DPYD: variants seen among roughly 807,000 people sequenced by gnomAD.
DPYD encodes the protein dihydropyrimidine dehydrogenase [NADP(+)].
DPYD carries 109 observed loss-of-function variants against 116.2 expected under a neutral mutation model. That is an observed-to-expected ratio of 0.94 (90% CI 0.80 to 1.10). DPYD has a LOEUF of 1.10. Among genes scored for constraint, DPYD ranks in the 50% least tolerant of loss-of-function variants. DPYD has a pLI of 0.00. For missense variants in DPYD, 1,302 were observed against 1,254.5 expected, an observed-to-expected ratio of 1.04 and a Z score of -0.57; for synonymous variants, 440 against 432.0, an observed-to-expected ratio of 1.02 and a Z score of -0.23.
Position 97,316,227 on chromosome 1 carries a change from T to C in DPYD, c.2059-9930A>G, listed in dbSNP as rs145958641. 4.6e-3 allele frequency among the ~76,000 whole-genome samples: 703 copies of C among 151,880 alleles called. 10 individuals carry two copies. Among genetic ancestry groups the C allele is most frequent in the African/African-American group, 0.016 (654 of 41,450 alleles). Reference sequence around the variant, plus strand: ...CTGAGAGGCTGGGCACATTGGCTCATGCCTGTAATCCCAGCACTTTGGAAG... The same window carrying C: ...CTGAGAGGCTGGGCACATTGGCTCACGCCTGTAATCCCAGCACTTTGGAAG... On this transcript the variant is annotated intron_variant, in intron 16 of 22. Transcript: ENST00000370192.
chr1:97,559,871 C>T (rs556636338), intron 11 of DPYD, among the ~76,000 whole-genome samples: 2 of 152,262 alleles, frequency 1.3e-5, no homozygotes, highest in Non-Finnish European at 2.9e-5. Flanking sequence ...ATTTATTGAG[C>T]GCTTTCATCA....
At chr1:97,505,759 A>C (rs1647281717) in intron 13 of DPYD, among the ~76,000 whole-genome samples, 1 of 152,000 alleles carries the variant, frequency 6.6e-6, no homozygotes, top group South Asian at 2.1e-4. Context: ...CAGATACCTA[A>C]AAATGGTACT....
In DPYD at chr1:97,887,469, TAAAAAAA is replaced by T. The variant is rs57316508; in HGVS notation, c.40-4102_40-4096del. Among the ~76,000 whole-genome samples the T allele has an allele frequency of 1.7e-3, 78 of 47,140 alleles. 2 individuals carry two copies. The highest frequency in any genetic ancestry group is 6.1e-3 in the African/African-American group (72 of 11,880). The allele number at this position is 47,140 out of a possible 152,430, so 30.9% of individuals were successfully genotyped here. A position where few individuals can be genotyped will look rare whatever the true frequency, so the allele number is the denominator to read the frequency against. On this transcript the variant is annotated intron_variant, in intron 1 of 22. Transcript: ENST00000370192. ...TGGGTGACAAAGTGAGACTCTGCAT[TAAAAAAA>T]AAAAAAAAAAAAAAAAAAAGTATAT...
chr1:97,310,146 C>G (rs1023221733), intron 16 of DPYD, among the ~76,000 whole-genome samples: 1 of 151,768 alleles, frequency 6.6e-6, no homozygotes, highest in Non-Finnish European at 1.5e-5. Context: ...TTCTTAGAAT[C>G]TGGCATTTCA....
At chr1:97,441,003 C>T (rs756102694) in intron 14 of DPYD, among the ~76,000 whole-genome samples, 11 of 152,080 alleles carry the variant, frequency 7.2e-5, no homozygotes, top group Non-Finnish European at 1.2e-4. Flanking sequence ...TAAGATGTTG[C>T]CCCTCTGTCT....
intron 2 of DPYD, among the ~76,000 whole-genome samples, chr1:97,844,199 T>C (rs1670176737): frequency 6.6e-6 from 1 of 152,204 alleles, no homozygotes; most frequent in Non-Finnish European, 1.5e-5. Context: ...TGCCAAACCA[T>C]GGTGATACTG....
At chr1:97,901,374 G>A (rs1185449490) in intron 1 of DPYD, among the ~76,000 whole-genome samples, 1 of 151,806 alleles carries the variant, frequency 6.6e-6, no homozygotes, top group African/African-American at 2.4e-5. Context: ...CCTGAAATAA[G>A]TCAGATTAAA....
At chr1:97,239,282 T>C (rs890309471) in intron 18 of DPYD, among the ~76,000 whole-genome samples, 8 of 152,180 alleles carry the variant, frequency 5.3e-5, no homozygotes, top group African/African-American at 1.9e-4. Context: ...ATGAAAAGTA[T>C]TTTTCTTAAG....
intron 19 of DPYD, among the ~76,000 whole-genome samples, chr1:97,223,026 A>C (rs185233922): frequency 8.3e-4 from 127 of 152,250 alleles, no homozygotes; most frequent in African/African-American, 2.8e-3. Flanking sequence ...GACACCCGTC[A>C]GTAAAGTTGA....
chr1:97,292,701 C>A (rs934060361), intron 18 of DPYD, among the ~76,000 whole-genome samples: 1 of 120,132 alleles, frequency 8.3e-6, no homozygotes, highest in Non-Finnish European at 1.8e-5. Flanking sequence ...CACATGCGTG[C>A]ACGCGCGCGC....
At chr1:97,572,623 T>C (rs4949958) in intron 11 of DPYD, among the ~76,000 whole-genome samples, 117,426 of 151,818 alleles carry the variant, frequency 0.77, 46,752 homozygotes, top group East Asian at 0.96. Flanking sequence ...ATCATTCTTT[T>C]TTCCTTCCTG....
At chr1:97,460,348 G>A (rs2101821081) in intron 13 of DPYD, among the ~76,000 whole-genome samples, 1 of 152,212 alleles carries the variant, frequency 6.6e-6, no homozygotes. Flanking sequence ...AGATCCCTTG[G>A]TGGATCCCTA....
intron 18 of DPYD, among the ~76,000 whole-genome samples, chr1:97,289,035 A>G (rs1449990789): frequency 2.6e-5 from 4 of 152,224 alleles, no homozygotes; most frequent in African/African-American, 9.6e-5. Flanking sequence ...AATACAAACT[A>G]CCATAAGAGA....
intron 20 of DPYD, among the ~76,000 whole-genome samples, chr1:97,151,575 T>C (rs1709411): frequency 0.028 from 4,267 of 152,184 alleles, 166 homozygotes; most frequent in African/African-American, 0.091. Flanking sequence ...CTCGGCAGGC[T>C]GAGGCAGGAC....
intron 3 of DPYD, among the ~76,000 whole-genome samples, chr1:97,751,363 AAC>A (rs1329967680): frequency 1.4e-5 from 2 of 143,754 alleles, no homozygotes; most frequent in Non-Finnish European, 3.0e-5. Context: ...CATATATATA[AAC>A]ACACACATAT....
chr1:97,181,513 T>G (rs189946300), intron 20 of DPYD, among the ~76,000 whole-genome samples: 64 of 152,246 alleles, frequency 4.2e-4, no homozygotes, highest in Non-Finnish European at 4.6e-4. Flanking sequence ...CACTTCTCAA[T>G]TATTTAGAAG....
At chr1:97,540,039 C>T (rs1054464995) in intron 12 of DPYD, among the ~76,000 whole-genome samples, 20 of 152,002 alleles carry the variant, frequency 1.3e-4, no homozygotes, top group African/African-American at 1.9e-4. Flanking sequence ...CAGGTGTGTG[C>T]GAACTGCTCC....
chr1:97,521,875 G>C (rs1287951548), intron 12 of DPYD, among the ~76,000 whole-genome samples: 2 of 152,098 alleles, frequency 1.3e-5, no homozygotes, highest in Non-Finnish European at 2.9e-5. Context: ...ACTGAAACTG[G>C]ACCCCTTCCT....
rs768200107 is a variant in DPYD, at chr1:97,098,596, T to G, written c.2659A>C (p.Lys887Gln). 1 of 1,613,132 alleles carries G rather than the reference T, an allele frequency of 6.2e-7. No individual in the cohort carries two copies. Among genetic ancestry groups the G allele is most frequent in the East Asian group, 2.2e-5 (1 of 44,750 alleles). Residue 887 changes from lysine to glutamine, a missense_variant, in exon 21 of 23, where the codon AAG (lysine) becomes CAG (glutamine). Physicochemically the swap from Lys to Gln is moderately conservative, Grantham distance 53. Transcript: ENST00000370192. The part of the protein sequence containing the change: ...PSFGPYLEQR[K>Q]KIIAENKIRL... ...ATCTTGTTTTCTGCTATGATTTTCT[T>G]GCGCTGTTCCAGATAAGGTCCAAAA...
Sources: allele counts gnomAD v4.1 joint callset (sites outside exome capture counted in the v4.1 genomes callset), GRCh38; gene constraint gnomAD v4.1.1; transcripts MANE v1.5; gene names NCBI Gene and HGNC (gene_info 2026-07-23, HGNC 2026-07-21).